The following ITPR1 variants were observed in gnomAD, a reference collection of about 807,000 sequenced individuals.
ITPR1 encodes inositol 1,4,5-trisphosphate receptor type 1.
A neutral mutation model predicts 318.4 loss-of-function variants in ITPR1; 96 were observed. The observed-to-expected ratio is 0.30, with a 90% CI of 0.26 to 0.36. The LOEUF is 0.36. Among genes scored for constraint, ITPR1 ranks in the 10% least tolerant of loss-of-function variants. ITPR1 has a pLI of 1.00. For synonymous variants in ITPR1, 1,312 were observed against 1,289.9 expected (o/e 1.02, Z -0.37); for missense variants, 2,440 against 3,460.2 (o/e 0.71, Z 7.40).
intron 12 of ITPR1, among the ~76,000 whole-genome samples, chr3:4,657,036 C>T (rs1488948499): frequency 6.6e-6 from 1 of 152,204 alleles, no homozygotes; most frequent in Non-Finnish European, 1.5e-5. Context: ...CATTGTTCCT[C>T]AGCCTTCGCT....
chr3:4,501,221 G>A (rs555842603), intron 2 of ITPR1, among the ~76,000 whole-genome samples: 2 of 151,962 alleles, frequency 1.3e-5, no homozygotes, highest in Admixed American at 1.3e-4. Context: ...TGTATTTCGT[G>A]GATACTTAAA....
intron 4 of ITPR1, among the ~76,000 whole-genome samples, chr3:4,568,778 C>T (rs1201391193): frequency 1.3e-5 from 2 of 152,086 alleles, no homozygotes; most frequent in African/African-American, 2.4e-5. Context: ...GATGAGGGCT[C>T]TATGAGTGTA....
At chr3:4,569,698 T>A (rs889272893) in intron 4 of ITPR1, among the ~76,000 whole-genome samples, 2 of 152,216 alleles carry the variant, frequency 1.3e-5, no homozygotes, top group African/African-American at 4.8e-5. Context: ...TTTAGAGATG[T>A]CTTTAAAAGG....
intron 4 of ITPR1, among the ~76,000 whole-genome samples, chr3:4,610,842 T>A: frequency 6.7e-6 from 1 of 149,404 alleles, no homozygotes; most frequent in South Asian, 2.3e-4. Flanking sequence ...CTTCCCTTTC[T>A]CTTTCCCTTT....
At chr3:4,516,319 T>G (rs1197569111) in intron 2 of ITPR1, among the ~76,000 whole-genome samples, 157 bp from the exon 3 acceptor site, 2 of 152,244 alleles carry the variant, frequency 1.3e-5, no homozygotes, top group African/African-American at 4.8e-5. Flanking sequence ...ATGTCCTTAC[T>G]TGGCTCATTG....
At chr3:4,630,813 C>T (rs145003900) in intron 5 of ITPR1, among the ~76,000 whole-genome samples, 1 of 152,006 alleles carries the variant, frequency 6.6e-6, no homozygotes, top group Non-Finnish European at 1.5e-5. Flanking sequence ...GTCTCGAACT[C>T]CTGACCTCAA....
chr3:4,839,284 G>A (rs867732251), intron 61 of ITPR1, among the ~76,000 whole-genome samples: 27 of 151,946 alleles, frequency 1.8e-4, no homozygotes, highest in Middle Eastern at 6.8e-3. Context: ...CCGAGATCAC[G>A]TCACTGCACT....
At chr3:4,601,083 C>G (rs908251202) in intron 4 of ITPR1, among the ~76,000 whole-genome samples, 1 of 151,626 alleles carries the variant, frequency 6.6e-6, no homozygotes, top group African/African-American at 2.4e-5. Flanking sequence ...ACATGAATCA[C>G]CTGTTAGATG....
chr3:4,801,469 T>G (rs2048226566), intron 54 of ITPR1, among the ~76,000 whole-genome samples: 1 of 151,994 alleles, frequency 6.6e-6, no homozygotes. Flanking sequence ...AAGTTAGGGC[T>G]TAAGGAATGG....
intron 12 of ITPR1, among the ~76,000 whole-genome samples, chr3:4,656,356 G>A (rs567917188): frequency 1.3e-5 from 2 of 152,338 alleles, no homozygotes; most frequent in African/African-American, 4.8e-5. Flanking sequence ...TTTGAAAGTG[G>A]CATGTGGAGT....
chr3:4,744,291 C>T (rs1382613169), intron 44 of ITPR1, among the ~76,000 whole-genome samples: 1 of 152,246 alleles, frequency 6.6e-6, no homozygotes, highest in Non-Finnish European at 1.5e-5. Flanking sequence ...GAATCCTCAA[C>T]AGGTCCAGAT....
intron 4 of ITPR1, among the ~76,000 whole-genome samples, chr3:4,578,838 A>G (rs1050789725): frequency 1.8e-4 from 27 of 152,180 alleles, no homozygotes; most frequent in African/African-American, 6.5e-4. Flanking sequence ...CACAACCCTT[A>G]CACTGGTCCA....
chr3:4,527,244 A>C (rs996420206), intron 4 of ITPR1, among the ~76,000 whole-genome samples: 1 of 152,166 alleles, frequency 6.6e-6, no homozygotes, highest in African/African-American at 2.4e-5. Flanking sequence ...TTGTGTGGTC[A>C]TGGCTCACTG....
chr3:4,794,294 G>A (rs551197608), intron 52 of ITPR1, among the ~76,000 whole-genome samples: 1 of 152,196 alleles, frequency 6.6e-6, no homozygotes, highest in Non-Finnish European at 1.5e-5. Flanking sequence ...TGTGGGCAGC[G>A]GTGGATTAAG....
rs570439519 is a variant in ITPR1, at chr3:4,522,397, A to G, written c.163+1303A>G. ...GACTTTTTTGGATAAAAGCTAAATA[A>G]ATTAGAATAAAATAGAACTCAGACG... On this transcript the variant is annotated intron_variant, in intron 4 of 61. Transcript: ENST00000649015. Among the ~76,000 whole-genome samples the G allele has an allele frequency of 2.0e-5, 3 of 152,322 alleles. No individual in the cohort carries two copies. The South Asian group carries it at 6.2e-4, about 32-fold the overall frequency.
In ITPR1 at chr3:4,846,973, A is replaced by AAGAT. The variant is rs969223638; in HGVS notation, c.*750_*753dup. On this transcript the variant is annotated 3_prime_UTR_variant, in exon 62 of 62. Coordinates refer to ENST00000649015, the MANE Select transcript of ITPR1 (RefSeq NM_001378452.1). ...GAGGCTCATACTTTAGCTTGTGAAG[A>AAGAT]AGATAATGAATTTTTTAAAGGGAAC... 3.3e-5 allele frequency: 5 copies of AAGAT among 152,778 alleles called. No homozygotes were observed. The highest frequency in any genetic ancestry group is 1.9e-4 in the East Asian group (1 of 5,192). The allele number at this position is 152,778 out of a possible 1,614,324, so 9.5% of individuals were successfully genotyped here. A position where few individuals can be genotyped will look rare whatever the true frequency, so the allele number is the denominator to read the frequency against.
chr3:4,635,917 A>G (rs2093175576), intron 5 of ITPR1, among the ~76,000 whole-genome samples: 1 of 151,304 alleles, frequency 6.6e-6, no homozygotes, highest in Non-Finnish European at 1.5e-5. Flanking sequence ...CTGGAATGCA[A>G]TGGCATGATC....
At position 4,541,564 on chromosome 3, in the gene ITPR1, C is replaced by T. The variant is rs545156998; in HGVS notation, c.163+20470C>T. ...TATCCTGCATGATATTTGTTAAGTT[C>T]CTAGATTTGAGGTTGTTTTTTGTTA... On this transcript the variant is annotated intron_variant, in intron 4 of 61. Transcript: ENST00000649015. 2.6e-5 allele frequency among the ~76,000 whole-genome samples: 4 copies of T among 151,772 alleles called. No homozygotes were observed. The South Asian group carries it at 8.3e-4, about 32-fold the overall frequency.
intron 4 of ITPR1, among the ~76,000 whole-genome samples, chr3:4,602,599 G>A (rs1432894682): frequency 6.7e-6 from 1 of 149,094 alleles, no homozygotes; most frequent in Non-Finnish European, 1.5e-5. Flanking sequence ...CTAAAAAGTA[G>A]AAACAACTCA....
Sources: allele counts gnomAD v4.1 joint callset (sites outside exome capture counted in the v4.1 genomes callset), GRCh38; gene constraint gnomAD v4.1.1; transcripts MANE v1.5; gene names NCBI Gene and HGNC (gene_info 2026-07-23, HGNC 2026-07-21).